SHPRH: variants seen among roughly 807,000 people sequenced by gnomAD.
SHPRH encodes E3 ubiquitin-protein ligase SHPRH.
SHPRH carries 106 observed loss-of-function variants against 202.5 expected under a neutral mutation model. The ratio of observed to expected loss-of-function variants is 0.52; its 90% CI spans 0.45 to 0.62. The LOEUF (loss-of-function observed/expected upper bound fraction) is 0.62. Among genes scored for constraint, SHPRH ranks in the 20% least tolerant of loss-of-function variants. The pLI, the probability that SHPRH is intolerant of heterozygous loss-of-function variation, is 0.00. For missense variants in SHPRH, 1,710 were observed against 2,020.0 expected (o/e 0.85, Z 2.94); for synonymous variants, 729 against 686.0 (o/e 1.06, Z -0.98).
Position 145,947,495 on chromosome 6 carries a change from C to T in SHPRH, c.1210G>A (p.Glu404Lys), listed in dbSNP as rs577017273. Residue 404 changes from glutamate to lysine, a missense_variant and splice_region_variant, in exon 6 of 30, where the codon GAG becomes AAG. Around this residue, in one of 8 missense-constraint regions of SHPRH, gnomAD observed 348 missense variants for 356.9 expected, o/e 0.97. Transcript: ENST00000275233. ...CAAGCCCTACTATACCCTCCTACCT[C>T]GGGAAGAGTGAGAGCATCTTGCTTG... is the stretch of plus-strand genomic sequence containing the variant. ...DVKQDALTLP[E>K]GKVVNYFIPS... 8.1e-6 allele frequency: 13 copies of T among 1,612,346 alleles called. No individual in the cohort carries two copies. Among genetic ancestry groups the T allele is most frequent in the South Asian group, 7.7e-5 (7 of 90,970 alleles).
At chr6:145,940,090 C>T (rs1371362820) in intron 11 of SHPRH, among the ~76,000 whole-genome samples, 3 of 152,192 alleles carry the variant, frequency 2.0e-5, no homozygotes, top group Admixed American at 6.5e-5. Context: ...GTCCGTTCTA[C>T]TGTGATATTG....
At chr6:145,899,115 T>C (rs1322721766) in intron 25 of SHPRH, among the ~76,000 whole-genome samples, 4 of 152,080 alleles carry the variant, frequency 2.6e-5, no homozygotes, top group African/African-American at 9.7e-5. Flanking sequence ...CATCTGGCCG[T>C]AACTCCTTTT....
chr6:145,922,735 C>A lies in SHPRH; in HGVS notation c.3647G>T (p.Gly1216Val). 6.2e-7 allele frequency: 1 copy of A among 1,612,048 alleles called. No individual in the cohort carries two copies. The highest frequency in any genetic ancestry group is 1.1e-5 in the South Asian group (1 of 90,998). Reference sequence around the variant, plus strand: ...CTCAATAACATTACGAGATGGAGGTCCCTCCAGGTTTTTTACAGCCTCTCT... The same window carrying A: ...CTCAATAACATTACGAGATGGAGGTACCTCCAGGTTTTTTACAGCCTCTCT... ...LVREAVKNLE[G>V]PPSRNVIESA... Residue 1216 changes from glycine (G) to valine (V), a missense_variant, in exon 19 of 30, where the codon GGA becomes GTA. Physicochemically the swap from Gly to Val is moderately radical, Grantham distance 109. Coordinates refer to ENST00000275233, the MANE Select transcript of SHPRH (RefSeq NM_001042683.3).
intron 9 of SHPRH, among the ~76,000 whole-genome samples, chr6:145,942,276 C>T (rs1404054033): frequency 6.6e-6 from 1 of 152,134 alleles, no homozygotes; most frequent in African/African-American, 2.4e-5. Flanking sequence ...ACAATAAGAG[C>T]TATTATTTAT....
At chr6:145,962,580 A>G (rs1432613708) in intron 1 of SHPRH, among the ~76,000 whole-genome samples, 1 of 152,230 alleles carries the variant, frequency 6.6e-6, no homozygotes, top group African/African-American at 2.4e-5. Context: ...TTACATTACT[A>G]AGACAATCCA....
At chr6:145,941,489 T>C (rs1786769883) in intron 10 of SHPRH, 134 bp downstream of exon 10, 16 of 1,332,298 alleles carry the variant, frequency 1.2e-5, no homozygotes, top group Non-Finnish European at 1.5e-5. Flanking sequence ...GCACAAGTAG[T>C]GTTTAATAAC....
At chr6:145,910,281 A>C in intron 25 of SHPRH, 167 bp downstream of exon 25, 1 of 684,766 alleles carries the variant, frequency 1.5e-6, no homozygotes, top group South Asian at 2.3e-5. Context: ...TACAATTAAA[A>C]ATTACATGGT....
chr6:145,916,701 C>T (rs1783984973), intron 23 of SHPRH, among the ~76,000 whole-genome samples: 1 of 151,932 alleles, frequency 6.6e-6, no homozygotes, highest in Non-Finnish European at 1.5e-5. Flanking sequence ...AGATAACTGT[C>T]TTTTTATTTT....
chr6:145,926,666 T>C (rs191518180), intron 15 of SHPRH, among the ~76,000 whole-genome samples: 1 of 151,908 alleles, frequency 6.6e-6, no homozygotes, highest in East Asian at 1.9e-4. Flanking sequence ...AAACCTAAAC[T>C]TGCCAAAATT....
At chr6:145,886,945 T>C (rs1781073611) in intron 29 of SHPRH, among the ~76,000 whole-genome samples, 158 bp from the exon 30 acceptor site, 3 of 152,250 alleles carry the variant, frequency 2.0e-5, no homozygotes, top group African/African-American at 4.8e-5. Flanking sequence ...ATCTTTGTTA[T>C]ACCTTGTCAA....
chr6:145,963,039 C>T (rs955176647), intron 1 of SHPRH, among the ~76,000 whole-genome samples: 1 of 152,120 alleles, frequency 6.6e-6, no homozygotes, highest in African/African-American at 2.4e-5. Context: ...TTCGGGTGGA[C>T]AAAGAGGATA....
At chr6:145,934,409 T>A (rs1785822490) in intron 13 of SHPRH, among the ~76,000 whole-genome samples, 1 of 123,146 alleles carries the variant, frequency 8.1e-6, no homozygotes, top group Non-Finnish European at 1.9e-5. Context: ...GAGATTGCAG[T>A]GAGCTGAGAT....
At chr6:145,868,963 T>C (rs1377064307) in intron 2 of SHPRH, among the ~76,000 whole-genome samples, 1 of 152,230 alleles carries the variant, frequency 6.6e-6, no homozygotes, top group Non-Finnish European at 1.5e-5. Context: ...TTTAGTTTCA[T>C]AAGAAACTGC....
chr6:145,933,602 C>A (rs1487192527), intron 13 of SHPRH, among the ~76,000 whole-genome samples: 1 of 152,166 alleles, frequency 6.6e-6, no homozygotes, highest in Non-Finnish European at 1.5e-5. Flanking sequence ...GGCTGTCTAA[C>A]CTTAACCATT....
intron 16 of SHPRH, 22 bp downstream of exon 16, chr6:145,926,182 A>G (rs777868634): frequency 1.2e-6 from 2 of 1,603,242 alleles, no homozygotes; most frequent in African/African-American, 1.3e-5. Flanking sequence ...ACTTTTATAG[A>G]CAGAATGAAA....
At chr6:145,887,863 T>C (rs886731170) in intron 29 of SHPRH, among the ~76,000 whole-genome samples, 157 bp downstream of exon 29, 1 of 152,148 alleles carries the variant, frequency 6.6e-6, no homozygotes, top group Non-Finnish European at 1.5e-5. Flanking sequence ...TCTGGAGCAC[T>C]GACTGGGAAA....
rs556507222 is a variant in SHPRH, at chr6:145,905,570, A to G, written c.4515+4878T>C. 1.9e-4 allele frequency: 29 copies of G among 152,250 alleles called. 1 individual carries two copies. Among genetic ancestry groups the G allele is most frequent in the African/African-American group, 6.3e-4 (26 of 41,566 alleles). The allele number at this position is 152,250 out of a possible 1,614,324, so 9.4% of individuals were successfully genotyped here. Reference sequence around the variant, plus strand: ...ATATAACATACACACATCCTCCTGTATACTTTAAATCATCTCTAGATTACC... The same window carrying G: ...ATATAACATACACACATCCTCCTGTGTACTTTAAATCATCTCTAGATTACC... On this transcript the variant is annotated intron_variant, in intron 25 of 29. Coordinates refer to ENST00000275233, the MANE Select transcript of SHPRH (RefSeq NM_001042683.3).
chr6:145,929,120 T>C (rs1785174726), intron 14 of SHPRH, among the ~76,000 whole-genome samples: 1 of 151,936 alleles, frequency 6.6e-6, no homozygotes, highest in Non-Finnish European at 1.5e-5. Context: ...TTATAATACC[T>C]GGTTTTGCAT....
At position 145,886,663 on chromosome 6, in the gene SHPRH, A is replaced by G. The variant is rs538060342; in HGVS notation, c.*28T>C. 44 of 1,606,846 alleles carry G rather than the reference A, an allele frequency of 2.7e-5. No homozygotes were observed. The highest frequency in any genetic ancestry group is 1.7e-4 in the Middle Eastern group (1 of 6,020). On this transcript the variant is annotated 3_prime_UTR_variant, in exon 30 of 30. Transcript: ENST00000275233. ...AGCTATGAAAGTTTATTAATACACT[A>G]AAGTCCATGGAATGAATCAAGTGTA...
Sources: allele counts gnomAD v4.1 joint callset (sites outside exome capture counted in the v4.1 genomes callset), GRCh38; gene constraint gnomAD v4.1.1; regional missense constraint gnomAD v4.1.1; transcripts MANE v1.5; gene names NCBI Gene and HGNC (gene_info 2026-07-23, HGNC 2026-07-21).